The following LRRTM4 variants were observed in gnomAD, a reference collection of about 807,000 sequenced individuals.
The protein encoded by LRRTM4 is leucine-rich repeat transmembrane neuronal protein 4.
A neutral mutation model predicts 47.6 loss-of-function variants in LRRTM4; 25 were observed. The observed-to-expected ratio is 0.53, with a 90% CI of 0.38 to 0.73. The LOEUF (loss-of-function observed/expected upper bound fraction) is 0.73. LRRTM4 is among the 30% of genes least tolerant of loss of function. The pLI, the probability that LRRTM4 is intolerant of heterozygous loss-of-function variation, is 0.00. For missense variants in LRRTM4, 638 were observed against 713.4 expected (o/e 0.89, Z 1.20); for synonymous variants, 311 against 269.5 (o/e 1.15, Z -1.51).
At chr2:76,905,903 C>G (rs927865478) in intron 3 of LRRTM4, among the ~76,000 whole-genome samples, 1 of 152,022 alleles carries the variant, frequency 6.6e-6, no homozygotes, top group African/African-American at 2.4e-5. Flanking sequence ...GAGAATGGAA[C>G]CAAGTTGGAA....
chr2:77,311,070 A>G (rs555381578), intron 3 of LRRTM4, among the ~76,000 whole-genome samples: 2 of 152,174 alleles, frequency 1.3e-5, no homozygotes, highest in South Asian at 4.1e-4. Context: ...ATATATATAT[A>G]TATCATTTGA....
intron 3 of LRRTM4, among the ~76,000 whole-genome samples, chr2:76,900,447 C>A (rs1483690252): frequency 6.6e-6 from 1 of 152,088 alleles, no homozygotes; most frequent in Non-Finnish European, 1.5e-5. Flanking sequence ...TCATTGCTCA[C>A]ATTAAGTTAT....
chr2:76,861,809 T>C (rs1672321394), intron 3 of LRRTM4, among the ~76,000 whole-genome samples: 1 of 152,168 alleles, frequency 6.6e-6, no homozygotes, highest in Non-Finnish European at 1.5e-5. Flanking sequence ...GAATTTCCCA[T>C]GACATAAAGG....
intron 3 of LRRTM4, among the ~76,000 whole-genome samples, chr2:77,424,213 G>C (rs911934614): frequency 6.6e-5 from 10 of 151,886 alleles, no homozygotes; most frequent in African/African-American, 2.4e-4. Flanking sequence ...AATTCTCCTG[G>C]GCATATAGCA....
At chr2:76,749,397 T>G (rs1459726134) in intron 3 of LRRTM4, among the ~76,000 whole-genome samples, 1 of 152,112 alleles carries the variant, frequency 6.6e-6, no homozygotes, top group Non-Finnish European at 1.5e-5. Flanking sequence ...TTTATATATA[T>G]AAACATATAT....
intron 3 of LRRTM4, among the ~76,000 whole-genome samples, chr2:76,958,910 C>T (rs947535308): frequency 1.1e-4 from 16 of 151,648 alleles, no homozygotes; most frequent in Admixed American, 9.9e-4. Flanking sequence ...ACTAGTTTTC[C>T]AGGCTTGTTA....
At chr2:76,943,343 G>A (rs1675215602) in intron 3 of LRRTM4, among the ~76,000 whole-genome samples, 1 of 152,310 alleles carries the variant, frequency 6.6e-6, no homozygotes, top group South Asian at 2.1e-4. Context: ...GGCTGAGGCA[G>A]GAGAATAGCG....
chr2:77,015,105 G>A (rs919610903), intron 3 of LRRTM4, among the ~76,000 whole-genome samples: 1 of 152,036 alleles, frequency 6.6e-6, no homozygotes, highest in Non-Finnish European at 1.5e-5. Flanking sequence ...CAAAAACAGG[G>A]ATGAGGATTG....
intron 3 of LRRTM4, among the ~76,000 whole-genome samples, chr2:76,764,640 CAA>C (rs34383406): frequency 6.6e-6 from 1 of 151,408 alleles, no homozygotes; most frequent in African/African-American, 2.4e-5. Context: ...CAAAACAAAA[CAA>C]AAAAAACAAA....
chr2:76,778,685 A>G (rs959912728), intron 3 of LRRTM4, among the ~76,000 whole-genome samples: 3 of 151,126 alleles, frequency 2.0e-5, no homozygotes, highest in East Asian at 1.9e-4. Flanking sequence ...CGGTCTATCA[A>G]TTTTGTTGAT....
At chr2:76,933,239 A>G (rs929964622) in intron 3 of LRRTM4, among the ~76,000 whole-genome samples, 1 of 152,110 alleles carries the variant, frequency 6.6e-6, no homozygotes, top group Non-Finnish European at 1.5e-5. Context: ...TTGTTTCTAA[A>G]CAATCAATAA....
intron 3 of LRRTM4, among the ~76,000 whole-genome samples, chr2:77,140,162 G>T (rs13204385): frequency 6.6e-6 from 1 of 152,088 alleles, no homozygotes; most frequent in Non-Finnish European, 1.5e-5. Flanking sequence ...GGCCCTCATT[G>T]CCAAGACAAT....
intron 3 of LRRTM4, among the ~76,000 whole-genome samples, chr2:77,069,426 T>TGC (rs1439836863): frequency 4.6e-5 from 7 of 151,790 alleles, no homozygotes; most frequent in African/African-American, 1.5e-4. Context: ...TGTGTGTGTG[T>TGC]GTGTGTGTGT....
chr2:77,068,519 G>A (rs1221461988), intron 3 of LRRTM4, among the ~76,000 whole-genome samples: 4 of 152,020 alleles, frequency 2.6e-5, no homozygotes, highest in Non-Finnish European at 5.9e-5. Flanking sequence ...TCCTAGATTT[G>A]CCTATCCTGA....
chr2:76,887,506 CAT>C (rs914636993), intron 3 of LRRTM4, among the ~76,000 whole-genome samples: 180 of 141,548 alleles, frequency 1.3e-3, no homozygotes, highest in African/African-American at 4.5e-3. Flanking sequence ...TATATATACA[CAT>C]ATATATATCA....
rs961046131 is a variant in LRRTM4, at chr2:77,519,558, G to A, written c.311C>T (p.Ala104Val). The A allele has an allele frequency of 1.2e-6, 2 of 1,613,314 alleles. No homozygotes were observed. The highest frequency in any genetic ancestry group is 1.7e-6 in the Non-Finnish European group (2 of 1,179,632). Reference protein sequence around the residue: ...HNYISSVDEDAFQGIRRLKEL... With the variant: ...HNYISSVDEDVFQGIRRLKEL... ...TTTCAGTCTACGGATCCCTTGAAATGCATCTTCATCCACTGAGCTAATGTA... is the reference window on the plus strand; with the variant it reads ...TTTCAGTCTACGGATCCCTTGAAATACATCTTCATCCACTGAGCTAATGTA... The change falls in exon 3 of 4, where the codon GCA becomes GTA. Residue 104 changes from alanine (A) to valine (V), a missense_variant. Transcript: ENST00000409884. The surrounding 1 kb of genome is among the most constrained non-coding windows in gnomAD (Gnocchi z 4.6).
At chr2:77,502,768 T>C (rs1030926639) in intron 3 of LRRTM4, among the ~76,000 whole-genome samples, 6 of 151,498 alleles carry the variant, frequency 4.0e-5, no homozygotes, top group African/African-American at 1.5e-4. Context: ...ATGTAGAGTA[T>C]TAGATGGGTG....
intron 3 of LRRTM4, among the ~76,000 whole-genome samples, chr2:77,084,312 C>G (rs1231132032): frequency 1.3e-5 from 2 of 152,066 alleles, no homozygotes; most frequent in South Asian, 4.1e-4. Context: ...TCTTGAACCC[C>G]GAAGATGAAG....
At chr2:77,423,117 T>G (rs184268582) in intron 3 of LRRTM4, among the ~76,000 whole-genome samples, 6 of 152,162 alleles carry the variant, frequency 3.9e-5, no homozygotes. Context: ...CTATTCATTT[T>G]AAGAGTTGCT....
Sources: allele counts gnomAD v4.1 joint callset (sites outside exome capture counted in the v4.1 genomes callset), GRCh38; gene constraint gnomAD v4.1.1; non-coding constraint Gnocchi (gnomAD v3.1); transcripts MANE v1.5; gene names NCBI Gene and HGNC (gene_info 2026-07-23, HGNC 2026-07-21).